Variants in KALRN observed in about 807,000 individuals in gnomAD.
The protein encoded by KALRN is kalirin RhoGEF kinase, also known as kalirin.
A neutral mutation model predicts 353.7 loss-of-function variants in KALRN; 70 were observed. The observed-to-expected ratio is 0.20, with a 90% confidence interval of 0.16 to 0.24. The LOEUF is 0.24. KALRN is among the 10% of genes least tolerant of loss of function. The probability of loss-of-function intolerance (pLI) is 1.00; values close to 1 mark genes in which losing one functional copy is unlikely to be tolerated. For missense variants in KALRN, 2,791 were observed against 3,756.7 expected, an observed-to-expected ratio of 0.74 and a Z score of 6.72; for synonymous variants, 1,391 against 1,434.8, an observed-to-expected ratio of 0.97 and a Z score of 0.69.
At chr3:124,288,289 G>T (rs142347045) in intron 5 of KALRN, among the ~76,000 whole-genome samples, 2 of 152,282 alleles carry the variant, frequency 1.3e-5, no homozygotes. Context: ...AAGTCAGTAT[G>T]GGCTTATTTG....
intron 28 of KALRN, 87 bp from the exon 29 acceptor site, chr3:124,488,117 C>G (rs2062755497): frequency 2.6e-6 from 2 of 758,894 alleles, no homozygotes; most frequent in Non-Finnish European, 4.6e-6. Context: ...GAGAGCGAAG[C>G]TGGTCTATAA....
At chr3:124,129,672 G>A (rs2065066740) in intron 1 of KALRN, among the ~76,000 whole-genome samples, 1 of 152,186 alleles carries the variant, frequency 6.6e-6, no homozygotes, top group African/African-American at 2.4e-5. Context: ...GAAGACCAGA[G>A]GTTGTAATAA....
chr3:124,068,495 G>T (rs2042566857), intron 1 of KALRN, among the ~76,000 whole-genome samples: 1 of 152,178 alleles, frequency 6.6e-6, no homozygotes, highest in South Asian at 2.1e-4. Context: ...GTGCTATAGA[G>T]TGAGATTTAA....
rs2061963752 is a variant in KALRN at position 124,694,506 on chromosome 3, A to G, written c.7577+3A>G. On this transcript the variant is annotated splice_donor_region_variant and intron_variant, in intron 53 of 59. Transcript: ENST00000682506. ...GCCACATACACGGTCTCCTCTTGGT[A>G]AGCCGATTGCCCTAACATCAGCAAC... 3.1e-6 allele frequency: 5 copies of G among 1,612,702 alleles called. No homozygotes were observed. Among genetic ancestry groups the G allele is most frequent in the Non-Finnish European group, 4.2e-6 (5 of 1,179,562 alleles).
At chr3:124,370,512 C>T (rs1222177092) in intron 10 of KALRN, among the ~76,000 whole-genome samples, 1 of 152,182 alleles carries the variant, frequency 6.6e-6, no homozygotes, top group Non-Finnish European at 1.5e-5. Flanking sequence ...ATGCCTTGAG[C>T]ATCCCAAGAA....
chr3:124,153,067 A>AT (rs1000462014), intron 1 of KALRN: 5 of 164,472 alleles, frequency 3.0e-5, no homozygotes, highest in Admixed American at 6.3e-5. Flanking sequence ...TCTTTTTTTA[A>AT]TTTTTTTTAA....
At chr3:124,037,958 T>A (rs76468795) in intron 1 of KALRN, among the ~76,000 whole-genome samples, 14,232 of 152,082 alleles carry the variant, frequency 0.094, 863 homozygotes, top group South Asian at 0.17. Context: ...TGGAGTTGTT[T>A]TGTCAGCAGT....
At chr3:124,252,692 A>C (rs1176869045) in intron 3 of KALRN, among the ~76,000 whole-genome samples, 3 of 152,212 alleles carry the variant, frequency 2.0e-5, no homozygotes, top group African/African-American at 7.2e-5. Flanking sequence ...AAACAACAAC[A>C]AAAACCTCTG....
At chr3:124,339,376 C>T (rs1052613030) in intron 9 of KALRN, among the ~76,000 whole-genome samples, 2 of 152,200 alleles carry the variant, frequency 1.3e-5, no homozygotes, top group Non-Finnish European at 2.9e-5. Flanking sequence ...AGTCCGTACA[C>T]CTGCTAATGA....
At position 124,667,095 on chromosome 3, in the gene KALRN, T is replaced by G; in HGVS notation, c.6615T>G (p.Val2205=). Residue 2205 remains valine, a synonymous_variant, in exon 47 of 60, where the codon GTT becomes GTG. Coordinates refer to ENST00000682506, the MANE Select transcript of KALRN (RefSeq NM_001388419.1). ...ALMNRETSER[V]VLQAANADIQ... ...TGAACAGAGAGACTTCTGAGAGGGTTGTTCTGCAAGCCGCCAACGCTGACA... is the reference window on the plus strand; with the variant it reads ...TGAACAGAGAGACTTCTGAGAGGGTGGTTCTGCAAGCCGCCAACGCTGACA... The G allele has an allele frequency of 1.2e-6, 2 of 1,614,194 alleles. No individual in the cohort carries two copies. Among genetic ancestry groups the G allele is most frequent in the Non-Finnish European group, 1.7e-6 (2 of 1,180,028 alleles).
intron 1 of KALRN, among the ~76,000 whole-genome samples, chr3:124,206,448 A>G (rs1822791): frequency 0.1 from 15,458 of 152,214 alleles, 1,247 homozygotes; most frequent in East Asian, 0.42. Context: ...TGGGAAATGT[A>G]ACAGTCGTGT....
chr3:124,076,634 A>G (rs1241540550), intron 1 of KALRN, among the ~76,000 whole-genome samples: 1 of 152,102 alleles, frequency 6.6e-6, no homozygotes, highest in African/African-American at 2.4e-5. Context: ...GATATTTTAG[A>G]TCATTTTCTC....
chr3:124,047,792 G>A lies in KALRN; in HGVS notation c.73+13979G>A, dbSNP rs180943305. Among the ~76,000 whole-genome samples, 23 of 151,742 alleles carry A rather than the reference G, an allele frequency of 1.5e-4. No individual in the cohort carries two copies. In the East Asian group the frequency reaches 3.9e-3, roughly 26 times the overall value. The stretch of plus-strand genomic sequence containing the variant: ...TGCTGGGATTACAGGCATGAGCCAC[G>A]GCGCCCGGCCAGAACACTTTTTATA... On this transcript the variant is annotated intron_variant, in intron 1 of 59. Coordinates refer to ENST00000682506, the MANE Select transcript of KALRN (RefSeq NM_001388419.1).
chr3:124,461,382 G>A (rs1336604070), intron 23 of KALRN, among the ~76,000 whole-genome samples: 4 of 151,654 alleles, frequency 2.6e-5, no homozygotes, highest in South Asian at 2.1e-4. Flanking sequence ...CCCTGATCTC[G>A]GTGTGTTGGA....
In KALRN at chr3:124,667,329, GA is replaced by G. The variant is rs1207079732; in HGVS notation, c.6703+148del. 7.5e-6 allele frequency: 5 copies of G among 662,474 alleles called. No individual in the cohort carries two copies. In the Admixed American group the frequency reaches 1.6e-4, roughly 21 times the overall value. The allele number at this position is 662,474 out of a possible 1,614,324, so 41.0% of individuals were successfully genotyped here. Reference sequence around the variant, plus strand: ...CTTTGTAGTTTTCAGAAACACTTTAGAATTTTTCTGAAGCTGAATACACAAG... The same window carrying G: ...CTTTGTAGTTTTCAGAAACACTTTAGATTTTTCTGAAGCTGAATACACAAG... On this transcript the variant is annotated intron_variant, in intron 47 of 59. Coordinates refer to ENST00000682506, the MANE Select transcript of KALRN (RefSeq NM_001388419.1).
intron 10 of KALRN, among the ~76,000 whole-genome samples, chr3:124,382,185 AAAG>A (rs1454111321): frequency 2.0e-5 from 3 of 152,244 alleles, no homozygotes; most frequent in Non-Finnish European, 4.4e-5. Flanking sequence ...TGCGAGGATT[AAAG>A]GAGATAGCAT....
intron 6 of KALRN, among the ~76,000 whole-genome samples, chr3:124,308,371 ATCT>A (rs1272358436): frequency 6.6e-6 from 1 of 151,940 alleles, no homozygotes; most frequent in Non-Finnish European, 1.5e-5. Flanking sequence ...AGACTATATA[ATCT>A]TCTCCAGGAC....
At chr3:124,549,960 G>A (rs1488431746) in intron 33 of KALRN, among the ~76,000 whole-genome samples, 1 of 152,120 alleles carries the variant, frequency 6.6e-6, no homozygotes, top group Non-Finnish European at 1.5e-5. Flanking sequence ...GTGGGGAAGT[G>A]TTATGAAGGG....
intron 1 of KALRN, among the ~76,000 whole-genome samples, chr3:124,047,491 CT>C (rs33947722): frequency 0.41 from 43,855 of 108,280 alleles, 7,456 homozygotes; most frequent in Non-Finnish European, 0.53. Context: ...TCATAGAACA[CT>C]TTTTTTTTTT....
Sources: allele counts gnomAD v4.1 joint callset (sites outside exome capture counted in the v4.1 genomes callset), GRCh38; gene constraint gnomAD v4.1.1; transcripts MANE v1.5; gene names NCBI Gene and HGNC (gene_info 2026-07-23, HGNC 2026-07-21).